The following CLUL1 variants were observed in gnomAD, a reference collection of about 807,000 sequenced individuals.
CLUL1 encodes the protein clusterin like 1.
In CLUL1, 43 loss-of-function variants were observed where a neutral mutation model predicts 49.4. The ratio of observed to expected loss-of-function variants is 0.87; its 90% CI spans 0.68 to 1.12. CLUL1 has a LOEUF of 1.12. CLUL1 is among the 50% of genes most tolerant of loss of function. CLUL1 has a pLI of 0.00. For synonymous variants in CLUL1, 192 were observed against 184.9 expected (o/e 1.04, Z -0.31); for missense variants, 486 against 544.4 (o/e 0.89, Z 1.07).
At chr18:626,753 C>G (rs1403176702) in intron 5 of CLUL1, among the ~76,000 whole-genome samples, 1 of 149,194 alleles carries the variant, frequency 6.7e-6, no homozygotes, top group African/African-American at 2.5e-5. Context: ...CCCAGCTACT[C>G]GGAAGGCTGA....
chr18:626,864 T>TAGAAAGA lies in CLUL1; in HGVS notation c.424-232_424-231insGAAAGAA, dbSNP rs2073735753. Among the ~76,000 whole-genome samples, 26 of 70,900 alleles carry TAGAAAGA rather than the reference T, an allele frequency of 3.7e-4. 1 individual carries two copies. Among genetic ancestry groups the TAGAAAGA allele is most frequent in the African/African-American group, 1.3e-3 (25 of 19,192 alleles). 46.5% of individuals were successfully genotyped at this position (70,900 alleles called of 152,430 possible). A position where few individuals can be genotyped will look rare whatever the true frequency, so the allele number is the denominator to read the frequency against. Reference sequence around the variant, plus strand: ...TGACAGAGCAAGACTCCATCTCAAATAAGAAAGAAAGAAAGAAAGAAAGAA... The same window carrying TAGAAAGA: ...TGACAGAGCAAGACTCCATCTCAAATAGAAAGAAAGAAAGAAAGAAAGAAAGAAAGAA... On this transcript the variant is annotated intron_variant, in intron 5 of 9. Transcript: ENST00000692774.
chr18:645,808 AAAATATATAT>A (rs1391369400), intron 9 of CLUL1, among the ~76,000 whole-genome samples: 6 of 56,910 alleles, frequency 1.1e-4, no homozygotes, highest in Non-Finnish European at 2.0e-4. Flanking sequence ...AAAAAAAAAA[AAAATATATAT>A]ATATATATAT....
intron 1 of CLUL1, among the ~76,000 whole-genome samples, chr18:598,835 C>G (rs1007889448): frequency 2.6e-5 from 4 of 152,034 alleles, no homozygotes; most frequent in African/African-American, 7.2e-5. Flanking sequence ...CCCCCTCTTT[C>G]TTTTTTTCAG....
intron 9 of CLUL1, among the ~76,000 whole-genome samples, chr18:646,999 C>T (rs1283088002): frequency 6.6e-6 from 1 of 152,128 alleles, no homozygotes; most frequent in African/African-American, 2.4e-5. Flanking sequence ...AATCCACCCA[C>T]CTTGGCCTCC....
At chr18:641,685 C>T in intron 8 of CLUL1, 144 bp downstream of exon 8, 4 of 685,562 alleles carry the variant, frequency 5.8e-6, no homozygotes, top group East Asian at 5.4e-5. Flanking sequence ...TTCAGGCTGA[C>T]TTGATTTAAC....
chr18:605,727 A>G (rs1287764674), intron 1 of CLUL1, among the ~76,000 whole-genome samples: 1 of 152,138 alleles, frequency 6.6e-6, no homozygotes, highest in Admixed American at 6.6e-5. Flanking sequence ...CCCAGGCTGG[A>G]GTGCAGTGGT....
intron 1 of CLUL1, among the ~76,000 whole-genome samples, chr18:601,890 A>T (rs2072841635): frequency 6.6e-6 from 1 of 152,172 alleles, no homozygotes; most frequent in Non-Finnish European, 1.5e-5. Flanking sequence ...AGTATAAAAA[A>T]GTCTTGTGTG....
chr18:644,701 G>A (rs1156325683), intron 8 of CLUL1, among the ~76,000 whole-genome samples: 1 of 152,188 alleles, frequency 6.6e-6, no homozygotes, highest in Non-Finnish European at 1.5e-5. Context: ...TGCCTACCAG[G>A]CTTCTCAGTG....
intron 6 of CLUL1, among the ~76,000 whole-genome samples, chr18:629,607 T>G (rs2073926533): frequency 6.6e-6 from 1 of 152,170 alleles, no homozygotes; most frequent in African/African-American, 2.4e-5. Context: ...CTCAGCTGCC[T>G]CACACGCACC....
At chr18:599,657 G>A (rs2072764014) in intron 1 of CLUL1, among the ~76,000 whole-genome samples, 3 of 152,118 alleles carry the variant, frequency 2.0e-5, no homozygotes, top group Admixed American at 2.0e-4. Context: ...AATTGGCCAG[G>A]TGCGGTGGTT....
rs556790683 is a variant in CLUL1 at position 613,262 on chromosome 18, T to C, written c.-13-4726T>C. On this transcript the variant is annotated intron_variant, in intron 2 of 9. Coordinates refer to ENST00000692774, the MANE Select transcript of CLUL1 (RefSeq NM_001393344.1). ...CAAGCGATTCTCCTGCCTCAGCCTC[T>C]CGAGTGGCTGGGACTATAGGTGCGT... 517 of 431,662 alleles carry C rather than the reference T, an allele frequency of 1.2e-3. 8 individuals carry two copies. The highest frequency in any genetic ancestry group is 9.8e-3 in the African/African-American group (477 of 48,680). 26.7% of individuals were successfully genotyped at this position (431,662 alleles called of 1,614,324 possible). A position where few individuals can be genotyped will look rare whatever the true frequency, so the allele number is the denominator to read the frequency against.
chr18:644,982 C>A lies in CLUL1; in HGVS notation c.1282C>A (p.Pro428Thr). 1 of 1,613,538 alleles carries A rather than the reference C, an allele frequency of 6.2e-7. No individual in the cohort carries two copies. Among genetic ancestry groups the A allele is most frequent in the Non-Finnish European group, 8.5e-7 (1 of 1,179,614 alleles). Residue 428 changes from proline to threonine, a missense_variant, in exon 9 of 10, where the codon CCT becomes ACT. Pro to Thr is a conservative substitution (Grantham distance 38, BLOSUM62 -1). Coordinates refer to ENST00000692774, the MANE Select transcript of CLUL1 (RefSeq NM_001393344.1). The part of the protein sequence containing the change: ...ETMMTDLSIL[P>T]SSNFTLKIPL... ...AATGATGACAGACTTAAGCATTCTG[C>A]CTTCCTCTAATTTCACACTCAAGAT... is the stretch of plus-strand genomic sequence containing the variant.
At chr18:612,460 C>T (rs929642869) in intron 2 of CLUL1, among the ~76,000 whole-genome samples, 61 of 152,310 alleles carry the variant, frequency 4.0e-4, no homozygotes, top group African/African-American at 1.3e-3. Context: ...GTGCACCCCT[C>T]GCTCAGAAGG....
chr18:650,149 A>T lies in CLUL1; in HGVS notation c.*248A>T, dbSNP rs2074636949. ...GTATTACATTTCATGGTACATTAGTAGTTCTTTGTATATTGAATAAATACT... is the reference window on the plus strand; with the variant it reads ...GTATTACATTTCATGGTACATTAGTTGTTCTTTGTATATTGAATAAATACT... On this transcript the variant is annotated 3_prime_UTR_variant, in exon 10 of 10. Coordinates refer to ENST00000692774, the MANE Select transcript of CLUL1 (RefSeq NM_001393344.1). 1.3e-5 allele frequency: 4 copies of T among 312,328 alleles called. No individual in the cohort carries two copies. The East Asian group carries it at 1.5e-4, about 12-fold the overall frequency. The allele number at this position is 312,328 out of a possible 1,614,324, so 19.3% of individuals were successfully genotyped here. A position where few individuals can be genotyped will look rare whatever the true frequency, so the allele number is the denominator to read the frequency against.
chr18:610,025 A>T (rs1203588931), intron 2 of CLUL1, among the ~76,000 whole-genome samples: 1 of 152,142 alleles, frequency 6.6e-6, no homozygotes. Context: ...CCAATTATGG[A>T]TTAGAGGATG....
intron 2 of CLUL1, among the ~76,000 whole-genome samples, chr18:613,488 T>G (rs2073203832): frequency 6.9e-6 from 1 of 144,984 alleles, no homozygotes; most frequent in Non-Finnish European, 1.5e-5. Flanking sequence ...GGAGTCTCGC[T>G]CTGTTGCCCA....
chr18:614,866 G>A (rs1338092590), intron 2 of CLUL1: 1 of 152,236 alleles, frequency 6.6e-6, no homozygotes, highest in Admixed American at 6.5e-5. Flanking sequence ...TGTCCCAGTT[G>A]GAAGCCCAGA....
chr18:646,497 G>GACACACACAC lies in CLUL1; in HGVS notation c.1397+1433_1397+1442dup, dbSNP rs56076402. Reference sequence around the variant, plus strand: ...AACAGGGGCACAAGACAGATAGATAGACACACACACACACACACACACACA... The same window carrying GACACACACAC: ...AACAGGGGCACAAGACAGATAGATAGACACACACACACACACACACACACACACACACACA... On this transcript the variant is annotated intron_variant, in intron 9 of 9. Coordinates refer to ENST00000692774, the MANE Select transcript of CLUL1 (RefSeq NM_001393344.1). Among the ~76,000 whole-genome samples, 871 of 141,342 alleles carry GACACACACAC rather than the reference G, an allele frequency of 6.2e-3. 1 individual carries two copies. Among genetic ancestry groups the GACACACACAC allele is most frequent in the Admixed American group, 7.9e-3 (112 of 14,128 alleles). 92.7% of individuals were successfully genotyped at this position (141,342 alleles called of 152,430 possible). A position where few individuals can be genotyped will look rare whatever the true frequency, so the allele number is the denominator to read the frequency against.
intron 9 of CLUL1, among the ~76,000 whole-genome samples, chr18:647,952 G>A (rs1451732219): frequency 6.6e-6 from 1 of 152,100 alleles, no homozygotes; most frequent in African/African-American, 2.4e-5. Flanking sequence ...CTTTGTCAGT[G>A]GGGACTTAGG....
Sources: gnomAD v4.1 joint callset for allele counts (sites outside exome capture counted in the v4.1 genomes callset) on GRCh38, gnomAD v4.1.1 for gene constraint, MANE v1.5 for transcripts, NCBI Gene and HGNC (gene_info 2026-07-23, HGNC 2026-07-21) for gene names.